Variants in HMCN1 observed in about 807,000 individuals in gnomAD.
HMCN1 encodes hemicentin 1.
Under a neutral mutation model 625.9 loss-of-function variants are expected in HMCN1, and 321 were observed. The ratio of observed to expected loss-of-function variants is 0.51; its 90% CI spans 0.47 to 0.56. HMCN1 has a LOEUF of 0.56. HMCN1 is among the 20% of genes least tolerant of loss of function. The probability of loss-of-function intolerance (pLI) is 0.00; values close to 1 mark genes in which losing one functional copy is unlikely to be tolerated. For missense variants in HMCN1, 6,588 were observed against 6,887.3 expected (o/e 0.96, Z 1.54); for synonymous variants, 2,425 against 2,417.6 (o/e 1.00, Z -0.09).
intron 4 of HMCN1, among the ~76,000 whole-genome samples, chr1:185,903,670 G>C (rs1033910373): frequency 1.3e-5 from 2 of 151,590 alleles, no homozygotes; most frequent in Non-Finnish European, 3.0e-5. Flanking sequence ...AGTCTCAAGT[G>C]GTGATATTTC....
intron 36 of HMCN1, among the ~76,000 whole-genome samples, chr1:186,026,513 C>G (rs1055872682): frequency 6.0e-4 from 92 of 152,252 alleles, no homozygotes; most frequent in African/African-American, 2.1e-3. Flanking sequence ...GCATACAATT[C>G]TTGTTCTATG....
At chr1:185,979,761 G>C (rs563530025) in intron 16 of HMCN1, among the ~76,000 whole-genome samples, 4 of 152,276 alleles carry the variant, frequency 2.6e-5, no homozygotes, top group African/African-American at 7.2e-5. Flanking sequence ...ACTTTGTCAT[G>C]GTTCTTTATC....
At chr1:185,831,797 T>C (rs1377770903) in intron 1 of HMCN1, among the ~76,000 whole-genome samples, 1 of 151,856 alleles carries the variant, frequency 6.6e-6, no homozygotes, top group Admixed American at 6.6e-5. Context: ...TACCAAGAAA[T>C]GTGCAAACAT....
Position 185,997,859 on chromosome 1 carries a change from T to A in HMCN1, c.3874+335T>A, listed in dbSNP as rs558288639. 1.6e-4 allele frequency among the ~76,000 whole-genome samples: 24 copies of A among 151,970 alleles called. No homozygotes were observed. In the South Asian group the frequency reaches 4.6e-3, roughly 29 times the overall value. On this transcript the variant is annotated intron_variant, in intron 25 of 106. Transcript: ENST00000271588. ...GTCTTTACAATGTGATAGCTGGAGCTATTCAAAATATTCCATATTTATCTC... is the reference window on the plus strand; with the variant it reads ...GTCTTTACAATGTGATAGCTGGAGCAATTCAAAATATTCCATATTTATCTC...
At chr1:185,788,313 C>A (rs1302808550) in intron 1 of HMCN1, among the ~76,000 whole-genome samples, 1 of 152,094 alleles carries the variant, frequency 6.6e-6, no homozygotes, top group Non-Finnish European at 1.5e-5. Context: ...AGGTGTTATG[C>A]CCAACCTTCT....
rs1343599622 is a variant in HMCN1, at chr1:186,165,099, T to C, written c.15257-12T>C. 1 of 1,613,738 alleles carries C rather than the reference T, an allele frequency of 6.2e-7. No homozygotes were observed. Among genetic ancestry groups the C allele is most frequent in the Admixed American group, 1.7e-5 (1 of 60,018 alleles). On this transcript the variant is annotated splice_polypyrimidine_tract_variant and intron_variant, in intron 97 of 106. Transcript: ENST00000271588. ...AATAAGCCAGTTAACTTTGCTTTCC[T>C]CTCTGTGGTAGGAGATCGCAGTAAT... is the stretch of plus-strand genomic sequence containing the variant.
At chr1:186,011,864 A>G (rs993297879) in intron 30 of HMCN1, among the ~76,000 whole-genome samples, 2 of 152,186 alleles carry the variant, frequency 1.3e-5, no homozygotes, top group African/African-American at 2.4e-5. Context: ...TTTACAGTAA[A>G]ACTAATTTCC....
chr1:185,856,807 G>A (rs147007124), intron 2 of HMCN1, among the ~76,000 whole-genome samples: 7 of 152,128 alleles, frequency 4.6e-5, no homozygotes, highest in East Asian at 3.9e-4. Context: ...ATGAAAAGAC[G>A]AGAATAGAAG....
intron 42 of HMCN1, among the ~76,000 whole-genome samples, chr1:186,052,198 G>T (rs1303014224): frequency 1.3e-5 from 2 of 151,930 alleles, no homozygotes; most frequent in Non-Finnish European, 2.9e-5. Context: ...AAGGAATAGA[G>T]GCTTTTACAT....
chr1:185,812,907 A>G (rs1368613754), intron 1 of HMCN1, among the ~76,000 whole-genome samples: 2 of 152,144 alleles, frequency 1.3e-5, no homozygotes, highest in East Asian at 3.9e-4. Context: ...AAAGTTTCCA[A>G]ATTTATAATA....
At chr1:186,164,161 A>ACTTGGATGCTTT (rs1013080029) in intron 97 of HMCN1, among the ~76,000 whole-genome samples, 1 of 151,818 alleles carries the variant, frequency 6.6e-6, no homozygotes, top group Non-Finnish European at 1.5e-5. Flanking sequence ...GAGCAGGCAG[A>ACTTGGATGCTTT]CTTGGATGCT....
At chr1:185,947,238 T>C (rs1301404881) in intron 11 of HMCN1, among the ~76,000 whole-genome samples, 3 of 152,208 alleles carry the variant, frequency 2.0e-5, no homozygotes, top group Admixed American at 2.0e-4. Flanking sequence ...CTTTCTGCAA[T>C]GATGGAATTA....
intron 11 of HMCN1, among the ~76,000 whole-genome samples, chr1:185,956,239 C>A (rs1262806489): frequency 6.6e-6 from 1 of 152,048 alleles, no homozygotes; most frequent in Non-Finnish European, 1.5e-5. Flanking sequence ...CCAGCAGACA[C>A]CAGCCAGGTG....
intron 4 of HMCN1, among the ~76,000 whole-genome samples, chr1:185,872,351 C>T (rs1663670664): frequency 6.6e-6 from 1 of 152,096 alleles, no homozygotes; most frequent in Non-Finnish European, 1.5e-5. Context: ...CACTTCCAGG[C>T]ACCTGGGAGT....
intron 4 of HMCN1, among the ~76,000 whole-genome samples, chr1:185,908,608 G>A (rs1196978285): frequency 2.0e-5 from 3 of 151,780 alleles, no homozygotes; most frequent in African/African-American, 7.3e-5. Context: ...TCACAATGAG[G>A]CATTAACACC....
chr1:186,108,730 GC>G (rs1275041582), intron 71 of HMCN1, 133 bp downstream of exon 71: 58 of 1,063,188 alleles, frequency 5.5e-5, no homozygotes, highest in Non-Finnish European at 7.6e-5. Flanking sequence ...GCAGCAGTAA[GC>G]ACAGGGTTTT....
chr1:186,187,986 C>A lies in HMCN1; in HGVS notation c.16518C>A (p.Asn5506Lys). Residue 5506 changes from asparagine to lysine, a missense_variant, in exon 106 of 107, where the codon AAC becomes AAA. By Grantham distance (94) the Asn-to-Lys change is moderately conservative. Coordinates refer to ENST00000271588, the MANE Select transcript of HMCN1 (RefSeq NM_031935.3). ...GCATCGATACACCCTGTCCACCCAA[C>A]TACCAACGGGATCCTGTTTCAGGGT... Reference protein sequence around the residue: ...YQCIDTPCPPNYQRDPVSGFC... With the variant: ...YQCIDTPCPPKYQRDPVSGFC... 1 of 1,613,882 alleles carries A rather than the reference C, an allele frequency of 6.2e-7. No homozygotes were observed. Among genetic ancestry groups the A allele is most frequent in the Middle Eastern group, 1.7e-4 (1 of 6,056 alleles).
At chr1:185,821,268 C>T (rs1369579427) in intron 1 of HMCN1, among the ~76,000 whole-genome samples, 1 of 152,022 alleles carries the variant, frequency 6.6e-6, no homozygotes, top group Non-Finnish European at 1.5e-5. Flanking sequence ...AAGGTACATA[C>T]ATTGAGAGGA....
Position 186,088,570 on chromosome 1 carries a change from T to G in HMCN1, c.9578-36T>G, listed in dbSNP as rs1037683265. ...TTAGAGATGTTAAAGTTTAAAGGTT[T>G]TTTTATGTTTTATTGTGCTTTGTTT... On this transcript the variant is annotated intron_variant, in intron 62 of 106. Transcript: ENST00000271588. 15 of 1,603,218 alleles carry G rather than the reference T, an allele frequency of 9.4e-6. No homozygotes were observed. In the Admixed American group the frequency reaches 2.5e-4, roughly 27 times the overall value.
Sources: allele counts gnomAD v4.1 joint callset (sites outside exome capture counted in the v4.1 genomes callset), GRCh38; gene constraint gnomAD v4.1.1; transcripts MANE v1.5; gene names NCBI Gene and HGNC (gene_info 2026-07-23, HGNC 2026-07-21).